Variants in PIK3AP1 observed in about 807,000 individuals in gnomAD.
PIK3AP1 encodes the protein phosphoinositide 3-kinase adapter protein 1.
A neutral mutation model predicts 88.1 loss-of-function variants in PIK3AP1; 21 were observed. The observed-to-expected ratio is 0.24, with a 90% CI of 0.17 to 0.34. The LOEUF (loss-of-function observed/expected upper bound fraction) is 0.34. Among genes scored for constraint, PIK3AP1 ranks in the 10% least tolerant of loss-of-function variants. The pLI is 1.00. For synonymous variants in PIK3AP1, 398 were observed against 400.0 expected, an observed-to-expected ratio of 1.00 and a Z score of 0.06; for missense variants, 828 against 1,035.7, an observed-to-expected ratio of 0.80 and a Z score of 2.75.
intron 1 of PIK3AP1, among the ~76,000 whole-genome samples, chr10:96,710,697 T>C (rs750466832): frequency 1.3e-5 from 2 of 152,206 alleles, no homozygotes; most frequent in Non-Finnish European, 2.9e-5. Context: ...TCCAAGCACA[T>C]TGCCTACTAA....
intron 2 of PIK3AP1, among the ~76,000 whole-genome samples, chr10:96,694,690 C>T (rs578168141): frequency 7.9e-5 from 12 of 152,072 alleles, no homozygotes; most frequent in South Asian, 2.1e-4. Context: ...CATGCCACCA[C>T]GCCTAGATAA....
At chr10:96,611,735 T>C (rs1360867969) in intron 13 of PIK3AP1, among the ~76,000 whole-genome samples, 1 of 152,166 alleles carries the variant, frequency 6.6e-6, no homozygotes, top group Non-Finnish European at 1.5e-5. Context: ...CCCAAAGTGC[T>C]GGGATTAGGT....
intron 9 of PIK3AP1, among the ~76,000 whole-genome samples, chr10:96,627,534 G>A (rs1361759597): frequency 6.6e-6 from 1 of 152,216 alleles, no homozygotes; most frequent in African/African-American, 2.4e-5. Flanking sequence ...TGGCCAGGCT[G>A]TGGTTTGTCT....
intron 13 of PIK3AP1, among the ~76,000 whole-genome samples, chr10:96,614,983 G>A (rs1005051243): frequency 2.2e-4 from 33 of 152,202 alleles, no homozygotes; most frequent in Admixed American, 5.9e-4. Flanking sequence ...AAGAGAGGAT[G>A]CCAGGGAACA....
intron 2 of PIK3AP1, among the ~76,000 whole-genome samples, chr10:96,689,829 C>T (rs986597935): frequency 3.3e-5 from 5 of 152,094 alleles, no homozygotes; most frequent in Non-Finnish European, 2.9e-5. Context: ...GCTTTTTACC[C>T]CTCCAAAGTG....
intron 2 of PIK3AP1, among the ~76,000 whole-genome samples, chr10:96,696,587 A>C (rs575654363): frequency 6.6e-6 from 1 of 152,240 alleles, no homozygotes; most frequent in South Asian, 2.1e-4. Context: ...TAACAAACCC[A>C]TTCTGTAATG....
intron 12 of PIK3AP1, among the ~76,000 whole-genome samples, chr10:96,620,007 T>TAG (rs1424877272): frequency 6.6e-6 from 1 of 152,030 alleles, no homozygotes; most frequent in African/African-American, 2.4e-5. Flanking sequence ...GCAGTAGGAA[T>TAG]AGAGAGAGAG....
In PIK3AP1 at chr10:96,595,440, G is replaced by A. The variant is rs1848738235; in HGVS notation, c.*137C>T. On this transcript the variant is annotated 3_prime_UTR_variant, in exon 17 of 17. Coordinates refer to ENST00000339364, the MANE Select transcript of PIK3AP1 (RefSeq NM_152309.3). Reference sequence around the variant, plus strand: ...CTTCGAGGCAAGCCCAAACCAGCAGGGCTGCAGCATTATCAGCAATGAGAA... The same window carrying A: ...CTTCGAGGCAAGCCCAAACCAGCAGAGCTGCAGCATTATCAGCAATGAGAA... The A allele has an allele frequency of 8.3e-6, 8 of 967,426 alleles. No homozygotes were observed. The highest frequency in any genetic ancestry group is 1.3e-5 in the Non-Finnish European group (8 of 639,540). The allele number at this position is 967,426 out of a possible 1,614,324, so 59.9% of individuals were successfully genotyped here. A position where few individuals can be genotyped will look rare whatever the true frequency, so the allele number is the denominator to read the frequency against.
chr10:96,684,638 A>G (rs749270725), intron 2 of PIK3AP1, among the ~76,000 whole-genome samples: 1 of 152,226 alleles, frequency 6.6e-6, no homozygotes, highest in Non-Finnish European at 1.5e-5. Context: ...TCAAAGACCA[A>G]TGAACCTGTG....
chr10:96,701,238 C>G (rs1708869591), intron 2 of PIK3AP1, among the ~76,000 whole-genome samples: 1 of 152,206 alleles, frequency 6.6e-6, no homozygotes, highest in South Asian at 2.1e-4. Context: ...AGGGAAGCGT[C>G]ATTTTCTCTG....
intron 2 of PIK3AP1, among the ~76,000 whole-genome samples, chr10:96,703,295 A>T (rs1409517198): frequency 6.6e-6 from 1 of 152,214 alleles, no homozygotes; most frequent in Non-Finnish European, 1.5e-5. Flanking sequence ...TGGAAATCAA[A>T]GGCAAAATAT....
At chr10:96,675,988 A>G (rs1843913950) in intron 2 of PIK3AP1, among the ~76,000 whole-genome samples, 1 of 152,208 alleles carries the variant, frequency 6.6e-6, no homozygotes, top group Non-Finnish European at 1.5e-5. Context: ...CAGTTTGCCT[A>G]CAAATGAAAG....
chr10:96,674,944 A>C (rs1419566175), intron 2 of PIK3AP1, among the ~76,000 whole-genome samples: 2 of 152,206 alleles, frequency 1.3e-5, no homozygotes, highest in Non-Finnish European at 2.9e-5. Context: ...CCAGGCTGGA[A>C]TGCAGTTCTG....
intron 2 of PIK3AP1, among the ~76,000 whole-genome samples, chr10:96,662,611 T>C (rs1453011187): frequency 1.3e-5 from 2 of 150,182 alleles, no homozygotes; most frequent in Non-Finnish European, 1.5e-5. Flanking sequence ...CCGGGCGCGG[T>C]GGCTCACGCC....
intron 2 of PIK3AP1, among the ~76,000 whole-genome samples, chr10:96,684,566 C>G (rs556170089): frequency 6.6e-6 from 1 of 152,172 alleles, no homozygotes; most frequent in Admixed American, 6.5e-5. Flanking sequence ...AGAGGCAGAC[C>G]TATGCCACTG....
chr10:96,629,927 A>AAAAAAAAAAAAG (rs1564961851), intron 8 of PIK3AP1, among the ~76,000 whole-genome samples: 4 of 14,644 alleles, frequency 2.7e-4, no homozygotes, highest in Non-Finnish European at 7.0e-4. Context: ...AAAAAAAAAA[A>AAAAAAAAAAAAG]AAAAAGAAGA....
intron 2 of PIK3AP1, among the ~76,000 whole-genome samples, chr10:96,694,445 G>A (rs1000273787): frequency 5.3e-5 from 8 of 151,800 alleles, no homozygotes; most frequent in African/African-American, 1.5e-4. Context: ...AAACTAAAGG[G>A]ATTAGTCCAG....
chr10:96,611,766 A>G (rs916396099), intron 13 of PIK3AP1, among the ~76,000 whole-genome samples: 24 of 152,256 alleles, frequency 1.6e-4, no homozygotes, highest in African/African-American at 5.8e-4. Context: ...GCACCCAGCC[A>G]AAAATCACTT....
At chr10:96,708,534 C>G (rs1010685675) in intron 2 of PIK3AP1, among the ~76,000 whole-genome samples, 7 of 130,650 alleles carry the variant, frequency 5.4e-5, no homozygotes, top group Non-Finnish European at 7.7e-5. Context: ...GAGATCACAC[C>G]ACTGCACTCC....
Sources: gnomAD v4.1 joint callset for allele counts (sites outside exome capture counted in the v4.1 genomes callset) on GRCh38, gnomAD v4.1.1 for gene constraint, MANE v1.5 for transcripts, NCBI Gene and HGNC (gene_info 2026-07-23, HGNC 2026-07-21) for gene names.